Variants in MEIS2 observed in about 807,000 individuals in gnomAD.
MEIS2 encodes the protein Meis homeobox 2, also known as homeobox protein Meis2.
MEIS2 carries 9 observed loss-of-function variants against 58.6 expected under a neutral mutation model. The ratio of observed to expected loss-of-function variants is 0.15; its 90% confidence interval spans 0.09 to 0.27. The LOEUF is 0.27. MEIS2 is among the 10% of genes least tolerant of loss of function. The pLI is 1.00. For missense variants in MEIS2, 427 were observed against 635.0 expected, an observed-to-expected ratio of 0.67 and a Z score of 3.52; for synonymous variants, 221 against 228.4, an observed-to-expected ratio of 0.97 and a Z score of 0.29.
At chr15:36,938,881 C>T (rs772877036) in intron 9 of MEIS2, among the ~76,000 whole-genome samples, 2 of 152,248 alleles carry the variant, frequency 1.3e-5, no homozygotes, top group African/African-American at 4.8e-5. Flanking sequence ...ATGTCCAGCC[C>T]GTTCTCTTTC....
At chr15:36,948,428 C>T (rs971462351) in intron 9 of MEIS2, among the ~76,000 whole-genome samples, 7 of 151,764 alleles carry the variant, frequency 4.6e-5, no homozygotes, top group African/African-American at 9.7e-5. Context: ...TCTTCAGGTG[C>T]GAAGAGTATA....
At chr15:36,905,788 T>C (rs1338615275) in intron 9 of MEIS2, among the ~76,000 whole-genome samples, 1 of 152,186 alleles carries the variant, frequency 6.6e-6, no homozygotes, top group Non-Finnish European at 1.5e-5. Flanking sequence ...CATACATATA[T>C]AGTTATATGA....
chr15:36,967,371 A>C (rs2059390222), intron 8 of MEIS2, among the ~76,000 whole-genome samples: 1 of 152,208 alleles, frequency 6.6e-6, no homozygotes, highest in South Asian at 2.1e-4. Flanking sequence ...GGACACACAT[A>C]GAGGGAAGAT....
intron 8 of MEIS2, among the ~76,000 whole-genome samples, chr15:36,991,937 G>A (rs1045529198): frequency 2.0e-5 from 3 of 149,366 alleles, no homozygotes; most frequent in Non-Finnish European, 4.5e-5. Flanking sequence ...ACAGGCGCCT[G>A]CCACTACGCC....
chr15:37,062,786 G>C (rs1364651443), intron 7 of MEIS2, among the ~76,000 whole-genome samples: 1 of 152,096 alleles, frequency 6.6e-6, no homozygotes, highest in Non-Finnish European at 1.5e-5. Context: ...TATGTTTTTG[G>C]AATGTATTTT....
At position 37,037,255 on chromosome 15, in the gene MEIS2, G is replaced by A. The variant is rs930774424; in HGVS notation, c.755-296C>T. On this transcript the variant is annotated intron_variant, in intron 7 of 11. Transcript: ENST00000561208. ...TTATGGAATCCAATGTGGGAAAACC[G>A]CCATCAGAAAACCTATTCAGTGGAA... 1.8e-4 allele frequency among the ~76,000 whole-genome samples: 27 copies of A among 152,234 alleles called. 1 individual carries two copies. In the Middle Eastern group the frequency reaches 0.01, roughly 58 times the overall value.
At chr15:37,082,955 A>T (rs551798840) in intron 7 of MEIS2, among the ~76,000 whole-genome samples, 1 of 152,058 alleles carries the variant, frequency 6.6e-6, no homozygotes, top group Admixed American at 6.6e-5. Context: ...GATGAAATAG[A>T]CCTAGGAGAT....
intron 8 of MEIS2, among the ~76,000 whole-genome samples, chr15:36,962,768 T>C (rs1018637585): frequency 6.6e-6 from 1 of 152,242 alleles, no homozygotes; most frequent in Non-Finnish European, 1.5e-5. Flanking sequence ...TATAACCTCA[T>C]GCAACAGAAG....
intron 9 of MEIS2, among the ~76,000 whole-genome samples, chr15:36,905,544 G>C (rs999734165): frequency 6.6e-6 from 1 of 152,096 alleles, no homozygotes; most frequent in Non-Finnish European, 1.5e-5. Flanking sequence ...ATGAGAGACT[G>C]GGTTTGGCAT....
At chr15:36,909,036 G>A (rs1459258694) in intron 9 of MEIS2, among the ~76,000 whole-genome samples, 1 of 152,110 alleles carries the variant, frequency 6.6e-6, no homozygotes, top group Non-Finnish European at 1.5e-5. Flanking sequence ...GTCAGGTAAC[G>A]TACAAATAAA....
At chr15:37,069,118 G>A (rs1010197417) in intron 7 of MEIS2, among the ~76,000 whole-genome samples, 6 of 152,246 alleles carry the variant, frequency 3.9e-5, no homozygotes, top group African/African-American at 7.2e-5. Flanking sequence ...GGCAGAAAAT[G>A]AGCATCTAGA....
rs1277624188 is a variant in MEIS2, at chr15:36,891,930, G to A, written c.*243C>T. 2 of 569,974 alleles carry A rather than the reference G, an allele frequency of 3.5e-6. No homozygotes were observed. Among genetic ancestry groups the A allele is most frequent in the African/African-American group, 3.8e-5 (2 of 52,576 alleles). The allele number at this position is 569,974 out of a possible 1,614,324, so 35.3% of individuals were successfully genotyped here. ...TAGTTCCTATATTTATACTACAGTA[G>A]TTATAACTCTCGGAGTCTTTTTCCA... On this transcript the variant is annotated 3_prime_UTR_variant, in exon 12 of 12. Coordinates refer to ENST00000561208, the MANE Select transcript of MEIS2 (RefSeq NM_170675.5).
At chr15:36,981,135 A>C (rs1361971518) in intron 8 of MEIS2, among the ~76,000 whole-genome samples, 1 of 152,034 alleles carries the variant, frequency 6.6e-6, no homozygotes, top group Non-Finnish European at 1.5e-5. Context: ...TTTCATTTGT[A>C]ATTTACTCCA....
chr15:36,962,781 G>C (rs2059229428), intron 8 of MEIS2, among the ~76,000 whole-genome samples: 1 of 152,220 alleles, frequency 6.6e-6, no homozygotes, highest in Non-Finnish European at 1.5e-5. Flanking sequence ...AACAGAAGCT[G>C]AGTGGGTTTC....
rs115176869 is a variant in MEIS2, at chr15:36,985,547, G to A, written c.901-35147C>T. Among the ~76,000 whole-genome samples, 463 of 152,206 alleles carry A rather than the reference G, an allele frequency of 3.0e-3. 3 individuals are homozygous for A. Among genetic ancestry groups the A allele is most frequent in the African/African-American group, 0.011 (441 of 41,518 alleles). On this transcript the variant is annotated intron_variant, in intron 8 of 11. Transcript: ENST00000561208. ...TGTGTTATTTGCTTTATTCTGATTAGATGTAGCACTTAGAAAACTGAAATT... is the reference window on the plus strand; with the variant it reads ...TGTGTTATTTGCTTTATTCTGATTAAATGTAGCACTTAGAAAACTGAAATT...
chr15:36,986,840 A>C (rs12324364), intron 8 of MEIS2, among the ~76,000 whole-genome samples: 4,852 of 152,254 alleles, frequency 0.032, 239 homozygotes, highest in African/African-American at 0.11. Context: ...CCAAATGCCT[A>C]TGTTGAATGC....
At chr15:36,986,355 C>T (rs150694431) in intron 8 of MEIS2, among the ~76,000 whole-genome samples, 6 of 152,314 alleles carry the variant, frequency 3.9e-5, no homozygotes, top group African/African-American at 1.2e-4. Flanking sequence ...TTCGCCTTTG[C>T]CCCAGGCTTC....
rs368906542 is a variant in MEIS2 at position 37,094,482 on chromosome 15, A to C, written c.489+45T>G. 20 of 1,582,666 alleles carry C rather than the reference A, an allele frequency of 1.3e-5. No individual in the cohort carries two copies. The East Asian group carries it at 3.1e-4, about 25-fold the overall frequency. On this transcript the variant is annotated intron_variant, in intron 5 of 11. Transcript: ENST00000561208. ...AAAAACATCCCAACTCAACTAGGAGAGGGAAATGGTTTAATCAACACGGGG... is the reference window on the plus strand; with the variant it reads ...AAAAACATCCCAACTCAACTAGGAGCGGGAAATGGTTTAATCAACACGGGG...
chr15:36,957,389 T>C (rs1026937120), intron 8 of MEIS2, among the ~76,000 whole-genome samples: 1 of 152,152 alleles, frequency 6.6e-6, no homozygotes, highest in African/African-American at 2.4e-5. Context: ...TAATTTAGGG[T>C]TATTTGAATT....
Sources: gnomAD v4.1 joint callset for allele counts (sites outside exome capture counted in the v4.1 genomes callset) on GRCh38, gnomAD v4.1.1 for gene constraint, MANE v1.5 for transcripts, NCBI Gene and HGNC (gene_info 2026-07-23, HGNC 2026-07-21) for gene names.